ASIC2: variants seen among roughly 807,000 people sequenced by gnomAD.
ASIC2 encodes the protein acid-sensing ion channel 2.
In ASIC2, 25 loss-of-function variants were observed where a neutral mutation model predicts 57.3. The ratio of observed to expected loss-of-function variants is 0.44; its 90% CI spans 0.32 to 0.61. The LOEUF is 0.61. ASIC2 is among the 20% of genes least tolerant of loss of function. The pLI, the probability that ASIC2 is intolerant of heterozygous loss-of-function variation, is 0.06. For synonymous variants in ASIC2, 319 were observed against 307.5 expected, an observed-to-expected ratio of 1.04 and a Z score of -0.39; for missense variants, 641 against 738.1, an observed-to-expected ratio of 0.87 and a Z score of 1.52.
intron 1 of ASIC2, among the ~76,000 whole-genome samples, chr17:34,032,350 C>T (rs974934362): frequency 1.6e-4 from 24 of 152,338 alleles, no homozygotes; most frequent in African/African-American, 5.5e-4. Flanking sequence ...CCTACAAGAG[C>T]TCCTGAAGGA....
At chr17:33,210,748 C>T (rs1462699905) in intron 1 of ASIC2, among the ~76,000 whole-genome samples, 1 of 152,216 alleles carries the variant, frequency 6.6e-6, no homozygotes, top group Non-Finnish European at 1.5e-5. Context: ...AAAGGGCACA[C>T]CCATCGTGTG....
chr17:33,610,523 T>A (rs1298864272), intron 1 of ASIC2, among the ~76,000 whole-genome samples: 1 of 152,046 alleles, frequency 6.6e-6, no homozygotes, highest in Non-Finnish European at 1.5e-5. Flanking sequence ...GAGTATTATT[T>A]TTCTTTTTTT....
At chr17:33,058,667 C>T (rs1166044913) in intron 3 of ASIC2, among the ~76,000 whole-genome samples, 1 of 152,056 alleles carries the variant, frequency 6.6e-6, no homozygotes, top group Non-Finnish European at 1.5e-5. Context: ...ACTCTCTCTT[C>T]TCTTTTTTAC....
intron 1 of ASIC2, among the ~76,000 whole-genome samples, chr17:34,099,259 AAAAGAAAG>A (rs765112520): frequency 8.8e-5 from 13 of 148,436 alleles, no homozygotes; most frequent in African/African-American, 3.1e-4. Flanking sequence ...GGAAGGAGGG[AAAAGAAAG>A]AAAGAGGAAA....
At chr17:33,964,574 C>A (rs1358502983) in intron 1 of ASIC2, among the ~76,000 whole-genome samples, 1 of 152,228 alleles carries the variant, frequency 6.6e-6, no homozygotes, top group Non-Finnish European at 1.5e-5. Context: ...CGCTGCAAAA[C>A]CAGGAAGTAG....
In ASIC2 at chr17:33,319,544, T is replaced by C. The variant is rs545103616; in HGVS notation, c.556-207477A>G. ...GGTACATAATAGATGCATATATTTA[T>C]GGGTTACATGAGATATTTTGATACA... On this transcript the variant is annotated intron_variant, in intron 1 of 9. Transcript: ENST00000359872. 2.4e-3 allele frequency among the ~76,000 whole-genome samples: 369 copies of C among 152,350 alleles called. 1 individual carries two copies. The highest frequency in any genetic ancestry group is 8.5e-3 in the African/African-American group (354 of 41,584).
chr17:33,296,599 A>G (rs994538275), upstream of ASIC2, among the ~76,000 whole-genome samples: 1 of 152,192 alleles, frequency 6.6e-6, no homozygotes, highest in Non-Finnish European at 1.5e-5. Context: ...GTGTTCTGGC[A>G]TTCTGTGTGA....
intron 1 of ASIC2, among the ~76,000 whole-genome samples, chr17:33,473,960 G>A (rs1303923408): frequency 1.3e-5 from 2 of 152,112 alleles, no homozygotes; most frequent in Admixed American, 1.3e-4. Flanking sequence ...AAATGTGCCA[G>A]ATTTCTAGCC....
chr17:33,707,591 A>T (rs1429903170), intron 1 of ASIC2, among the ~76,000 whole-genome samples: 2 of 152,126 alleles, frequency 1.3e-5, no homozygotes, highest in Admixed American at 1.3e-4. Flanking sequence ...TGTTTCATGG[A>T]TTCGATATTT....
intron 1 of ASIC2, among the ~76,000 whole-genome samples, chr17:33,396,410 C>T (rs112820296): frequency 0.022 from 3,407 of 152,338 alleles, 36 homozygotes; most frequent in Non-Finnish European, 0.033. Context: ...CCTGTTATCT[C>T]ACTCAACCTT....
At chr17:33,194,869 C>T (rs1906564138) in intron 1 of ASIC2, among the ~76,000 whole-genome samples, 1 of 152,198 alleles carries the variant, frequency 6.6e-6, no homozygotes, top group Non-Finnish European at 1.5e-5. Context: ...TTTCCCTCAC[C>T]AGCACAGTGA....
chr17:34,023,829 C>T (rs1338914815), intron 1 of ASIC2, among the ~76,000 whole-genome samples: 2 of 152,202 alleles, frequency 1.3e-5, no homozygotes, highest in Non-Finnish European at 2.9e-5. Context: ...CACAAAGGGT[C>T]TAAGACAGAC....
chr17:33,200,548 G>T (rs929112825), intron 1 of ASIC2, among the ~76,000 whole-genome samples: 1 of 152,084 alleles, frequency 6.6e-6, no homozygotes, highest in African/African-American at 2.4e-5. Context: ...ATCTTTCATT[G>T]TTCAGACCAA....
chr17:33,725,825 T>C (rs1018936500), intron 1 of ASIC2, among the ~76,000 whole-genome samples: 2 of 151,344 alleles, frequency 1.3e-5, no homozygotes, highest in African/African-American at 4.8e-5. Context: ...AGTGGGTCTC[T>C]TGTGGCTCAC....
rs2141903502 is a variant in ASIC2 at position 33,028,345 on chromosome 17, C to T, written c.1035G>A (p.Met345Ile). ...PPWGECRSSE[M>I]GLDFFPVYSI... ...TGTAAACAGGAAAAAAGTCGAGGCC[C>T]ATCTCTGAGGATCGGCACTCACCCC... Residue 345 changes from methionine to isoleucine, a missense_variant, in exon 4 of 10, where the codon ATG becomes ATA. Physicochemically the swap from Met to Ile is conservative, Grantham distance 10. Coordinates refer to ENST00000225823, the MANE Select transcript of ASIC2 (RefSeq NM_183377.2). The T allele has an allele frequency of 6.2e-7, 1 of 1,614,170 alleles. No individual in the cohort carries two copies. Among genetic ancestry groups the T allele is most frequent in the Non-Finnish European group, 8.5e-7 (1 of 1,180,044 alleles).
chr17:33,704,506 G>C (rs1908804210), intron 1 of ASIC2, among the ~76,000 whole-genome samples: 1 of 152,150 alleles, frequency 6.6e-6, no homozygotes, highest in Non-Finnish European at 1.5e-5. Context: ...GTACTGTCTA[G>C]TCTGCACCTA....
chr17:34,145,614 T>G (rs1287419544), intron 1 of ASIC2, among the ~76,000 whole-genome samples: 2 of 152,214 alleles, frequency 1.3e-5, no homozygotes, highest in Non-Finnish European at 1.5e-5. Flanking sequence ...ACATTGGTGC[T>G]AGCTCTGCTC....
chr17:33,866,376 T>C (rs1328467359), intron 1 of ASIC2, among the ~76,000 whole-genome samples: 2 of 152,180 alleles, frequency 1.3e-5, no homozygotes, highest in African/African-American at 2.4e-5. Context: ...TATATTCCAT[T>C]GTATGGATAT....
intron 1 of ASIC2, among the ~76,000 whole-genome samples, chr17:34,066,540 G>T (rs1181463399): frequency 6.6e-6 from 1 of 152,120 alleles, no homozygotes; most frequent in African/African-American, 2.4e-5. Context: ...TGCCAACTCT[G>T]CCCAGCAGCT....
Sources: allele counts gnomAD v4.1 joint callset (sites outside exome capture counted in the v4.1 genomes callset), GRCh38; gene constraint gnomAD v4.1.1; transcripts MANE v1.5; gene names NCBI Gene and HGNC (gene_info 2026-07-23, HGNC 2026-07-21).